ITGA9: variants seen among roughly 807,000 people sequenced by gnomAD.
The protein encoded by ITGA9 is integrin subunit alpha 9, also known as integrin alpha-9.
Under a neutral mutation model 127.8 loss-of-function variants are expected in ITGA9, and 56 were observed. The observed-to-expected ratio is 0.44, with a 90% confidence interval of 0.35 to 0.55. ITGA9 has a LOEUF of 0.55. ITGA9 is among the 20% of genes least tolerant of loss of function. The pLI, the probability that ITGA9 is intolerant of heterozygous loss-of-function variation, is 0.00. For synonymous variants in ITGA9, 508 were observed against 514.5 expected, an observed-to-expected ratio of 0.99 and a Z score of 0.17; for missense variants, 1,196 against 1,347.1, an observed-to-expected ratio of 0.89 and a Z score of 1.76.
intron 15 of ITGA9, among the ~76,000 whole-genome samples, chr3:37,602,459 G>C (rs1022841488): frequency 1.3e-5 from 2 of 152,070 alleles, no homozygotes; most frequent in East Asian, 3.9e-4. Flanking sequence ...AATACAGGCA[G>C]CAAACTCTAG....
intron 16 of ITGA9, among the ~76,000 whole-genome samples, chr3:37,649,402 A>G (rs1700409240): frequency 6.6e-6 from 1 of 152,224 alleles, no homozygotes; most frequent in African/African-American, 2.4e-5. Context: ...CCATGCAAAT[A>G]CCAACCAAAA....
chr3:37,634,372 T>G lies in ITGA9; in HGVS notation c.1839+5036T>G, dbSNP rs573188234. ...ATATGCTGCTTATAAGAGACTCACT[T>G]CACCTGTAAGGACACACATAAAATG... On this transcript the variant is annotated intron_variant, in intron 16 of 27. Transcript: ENST00000264741. Among the ~76,000 whole-genome samples the G allele has an allele frequency of 2.7e-5, 4 of 150,348 alleles. No homozygotes were observed. The East Asian group carries it at 7.8e-4, about 29-fold the overall frequency.
chr3:37,723,844 G>A (rs1181645564), intron 18 of ITGA9, among the ~76,000 whole-genome samples: 1 of 152,208 alleles, frequency 6.6e-6, no homozygotes, highest in Non-Finnish European at 1.5e-5. Flanking sequence ...TTCTCAAAAT[G>A]TAAAATTCTT....
chr3:37,807,087 G>A (rs1350618532), intron 27 of ITGA9: 1 of 152,260 alleles, frequency 6.6e-6, no homozygotes, highest in East Asian at 1.9e-4. Flanking sequence ...AGGATTAAAA[G>A]GTCACAGAGA....
At chr3:37,512,026 T>G (rs1698917934) in intron 8 of ITGA9, among the ~76,000 whole-genome samples, 1 of 35,300 alleles carries the variant, frequency 2.8e-5, no homozygotes, top group Non-Finnish European at 6.0e-5. Context: ...TTCTTTTCTT[T>G]TCTTTCTTTC....
intron 23 of ITGA9, among the ~76,000 whole-genome samples, chr3:37,764,832 A>C (rs537492320): frequency 2.0e-5 from 3 of 152,306 alleles, no homozygotes; most frequent in South Asian, 2.1e-4. Context: ...CAATCTTTGC[A>C]TAGCTGGCTC....
intron 8 of ITGA9, among the ~76,000 whole-genome samples, chr3:37,511,448 A>T (rs1482625032): frequency 2.0e-5 from 3 of 152,260 alleles, no homozygotes; most frequent in Non-Finnish European, 4.4e-5. Flanking sequence ...AACTTCACAT[A>T]TAGAGATTTC....
rs771378100 is a variant in ITGA9 at position 37,473,440 on chromosome 3, A to G, written c.400A>G (p.Lys134Glu). The G allele has an allele frequency of 1.2e-6, 2 of 1,613,904 alleles. No homozygotes were observed. The highest frequency in any genetic ancestry group is 2.2e-5 in the South Asian group (2 of 91,070). Residue 134 changes from lysine (K) to glutamate (E), a missense_variant, in exon 3 of 28, where the codon AAG (lysine) becomes GAG (glutamate). Coordinates refer to ENST00000264741, the MANE Select transcript of ITGA9 (RefSeq NM_002207.3). ...GGGGGTGAGCCTGGCCCGACAGCCC[A>G]AGGCTGATGGCCGTGTGTTGGTAAG... ...WMGVSLARQP[K>E]ADGRVLACAH...
At chr3:37,787,839 A>G (rs1697059981) in intron 26 of ITGA9, among the ~76,000 whole-genome samples, 1 of 152,206 alleles carries the variant, frequency 6.6e-6, no homozygotes, top group Non-Finnish European at 1.5e-5. Context: ...AGGAACAGGA[A>G]ATGTACTTGC....
rs1363052478 is a variant in ITGA9 at position 37,647,461 on chromosome 3, T to TA, written c.1840-6253_1840-6252insA. 6.5e-3 allele frequency among the ~76,000 whole-genome samples: 993 copies of TA among 152,042 alleles called. 13 individuals are homozygous for TA. The highest frequency in any genetic ancestry group is 0.023 in the African/African-American group (934 of 41,466). ...ATCCATTGCCTAACATAGTTTTTTT[T>TA]TTTTTTTGATAGTAAGAGCACTTGG... On this transcript the variant is annotated intron_variant, in intron 16 of 27. Coordinates refer to ENST00000264741, the MANE Select transcript of ITGA9 (RefSeq NM_002207.3).
chr3:37,472,451 T>G (rs533864887), intron 2 of ITGA9, among the ~76,000 whole-genome samples: 38 of 152,186 alleles, frequency 2.5e-4, no homozygotes, highest in Non-Finnish European at 4.6e-4. Flanking sequence ...CAGGCTAGAG[T>G]GCAATGGTAC....
At chr3:37,746,673 C>CA (rs79238754) in intron 22 of ITGA9, among the ~76,000 whole-genome samples, 27,085 of 152,172 alleles carry the variant, frequency 0.18, 2,554 homozygotes, top group East Asian at 0.36. Context: ...TCTGTGCACT[C>CA]ATGTTTCACT....
chr3:37,662,885 G>A (rs1451645020), intron 17 of ITGA9, among the ~76,000 whole-genome samples: 1 of 152,222 alleles, frequency 6.6e-6, no homozygotes, highest in Non-Finnish European at 1.5e-5. Context: ...AGACTGAGGA[G>A]CCTTTGTCTT....
intron 15 of ITGA9, among the ~76,000 whole-genome samples, chr3:37,569,984 T>C (rs1213355516): frequency 1.3e-5 from 2 of 152,252 alleles, no homozygotes; most frequent in Admixed American, 6.5e-5. Flanking sequence ...GCCTTGAGAA[T>C]GCATATCATT....
At chr3:37,793,409 C>T (rs902958057) in intron 26 of ITGA9, among the ~76,000 whole-genome samples, 4 of 151,376 alleles carry the variant, frequency 2.6e-5, no homozygotes, top group African/African-American at 4.9e-5. Context: ...CACACACACA[C>T]ACACACACAC....
At chr3:37,746,475 A>G (rs1326532819) in intron 22 of ITGA9, among the ~76,000 whole-genome samples, 1 of 152,234 alleles carries the variant, frequency 6.6e-6, no homozygotes, top group Admixed American at 6.5e-5. Flanking sequence ...TGCAGATATT[A>G]CACATGAACA....
intron 15 of ITGA9, among the ~76,000 whole-genome samples, chr3:37,617,218 A>C (rs1367901371): frequency 1.3e-5 from 2 of 152,142 alleles, no homozygotes; most frequent in Non-Finnish European, 2.9e-5. Flanking sequence ...TCCTTCACTT[A>C]TGAAGCTTAG....
At chr3:37,662,296 G>T (rs893283907) in intron 17 of ITGA9, among the ~76,000 whole-genome samples, 1 of 151,998 alleles carries the variant, frequency 6.6e-6, no homozygotes, top group Admixed American at 6.6e-5. Context: ...CCAGCTACTC[G>T]GGAGGCTGAG....
intron 16 of ITGA9, among the ~76,000 whole-genome samples, chr3:37,636,402 A>T (rs1222905037): frequency 6.6e-6 from 1 of 152,122 alleles, no homozygotes; most frequent in Non-Finnish European, 1.5e-5. Context: ...GCATTTCTTC[A>T]TGTGTTTTTT....
Sources: allele counts gnomAD v4.1 joint callset (sites outside exome capture counted in the v4.1 genomes callset), GRCh38; gene constraint gnomAD v4.1.1; transcripts MANE v1.5; gene names NCBI Gene and HGNC (gene_info 2026-07-23, HGNC 2026-07-21).